CLIP1: variants seen among roughly 807,000 people sequenced by gnomAD.
CLIP1 encodes the protein CAP-Gly domain-containing linker protein 1.
A neutral mutation model predicts 161.6 loss-of-function variants in CLIP1; 66 were observed. The observed-to-expected ratio is 0.41, with a 90% CI of 0.33 to 0.50. The LOEUF (loss-of-function observed/expected upper bound fraction) is 0.50. Among genes scored for constraint, CLIP1 ranks in the 20% least tolerant of loss-of-function variants. The pLI is 0.27. For synonymous variants in CLIP1, 598 were observed against 626.2 expected, an observed-to-expected ratio of 0.96 and a Z score of 0.67; for missense variants, 1,376 against 1,702.0, an observed-to-expected ratio of 0.81 and a Z score of 3.37.
intron 2 of CLIP1, among the ~76,000 whole-genome samples, chr12:122,379,944 T>TAAAAAAAAAAAAAAAAAAAAA (rs10661606): frequency 4.0e-5 from 4 of 99,732 alleles, no homozygotes; most frequent in African/African-American, 1.5e-4. Flanking sequence ...ACTCCATCTT[T>TAAAAAAAAAAAAAAAAAAAAA]AAAAAAAAAA....
chr12:122,370,963 AAAAAAAG>A (rs1399710875), intron 3 of CLIP1, among the ~76,000 whole-genome samples: 3 of 113,016 alleles, frequency 2.7e-5, no homozygotes, highest in East Asian at 1.3e-3. Context: ...GTCTCAAAAA[AAAAAAAG>A]AAAAAAAAAA....
Position 122,350,052 on chromosome 12 carries a change from G to A in CLIP1, c.1401+1059C>T, listed in dbSNP as rs144147950. ...CCCTAGTAGCTGGGATTACAGGTGC[G>A]TGCCACCATATTCGGCTAATTTTTG... On this transcript the variant is annotated intron_variant, in intron 9 of 25. Coordinates refer to ENST00000620786, the MANE Select transcript of CLIP1 (RefSeq NM_001247997.2). 9.9e-5 allele frequency among the ~76,000 whole-genome samples: 15 copies of A among 151,790 alleles called. No individual in the cohort carries two copies. The East Asian group carries it at 1.8e-3, about 18-fold the overall frequency.
intron 18 of CLIP1, among the ~76,000 whole-genome samples, chr12:122,317,220 T>C (rs1252893167): frequency 6.6e-6 from 1 of 152,264 alleles, no homozygotes; most frequent in Non-Finnish European, 1.5e-5. Context: ...TCAGCAAGGA[T>C]TATTCTTTGT....
intron 20 of CLIP1, among the ~76,000 whole-genome samples, chr12:122,307,007 T>C (rs1950899667): frequency 1.1e-5 from 1 of 89,650 alleles, no homozygotes; most frequent in African/African-American, 3.6e-5. Context: ...ACTTTTTTTT[T>C]TTTTTTTTTT....
Position 122,355,582 on chromosome 12 carries a change from G to A in CLIP1, c.1006-270C>T, listed in dbSNP as rs1317787015. 2.7e-6 allele frequency: 1 copy of A among 375,490 alleles called. No homozygotes were observed. The highest frequency in any genetic ancestry group is 3.0e-5 in the South Asian group (1 of 32,994). The allele number at this position is 375,490 out of a possible 1,614,324, so 23.3% of individuals were successfully genotyped here. A position where few individuals can be genotyped will look rare whatever the true frequency, so the allele number is the denominator to read the frequency against. On this transcript the variant is annotated intron_variant, in intron 5 of 25. Coordinates refer to ENST00000620786, the MANE Select transcript of CLIP1 (RefSeq NM_001247997.2). This position sits in a 1 kb window ranked among gnomAD's most constrained non-coding sequence, Gnocchi z 4.1. ...CTAGCACTTCAGGAGGCCAAGGCGG[G>A]TGGATCACTTGAGGCCAGGAGTTTG... is the stretch of plus-strand genomic sequence containing the variant.
At chr12:122,293,948 G>A (rs61954391) in intron 20 of CLIP1, among the ~76,000 whole-genome samples, 1 of 151,682 alleles carries the variant, frequency 6.6e-6, no homozygotes, top group African/African-American at 2.4e-5. Context: ...TCTTAAAAAG[G>A]TAAACATACA....
At chr12:122,391,518 G>A (rs1399118220) in intron 1 of CLIP1, among the ~76,000 whole-genome samples, 1 of 152,158 alleles carries the variant, frequency 6.6e-6, no homozygotes, top group Non-Finnish European at 1.5e-5. Context: ...CCCAGGAGGC[G>A]GAGGGTGCAG....
Position 122,361,033 on chromosome 12 carries a change from G to C in CLIP1, c.931C>G (p.Pro311Ala), listed in dbSNP as rs1402857702. The change falls in exon 5 of 26, where the codon CCT becomes GCT. Residue 311 changes from proline (P) to alanine (A), a missense_variant. Coordinates refer to ENST00000620786, the MANE Select transcript of CLIP1 (RefSeq NM_001247997.2). ...ATGGAGCTGAGGGAAGAGGCAGAAG[G>C]GCTGCGCTTCAGGCTGGCGGACGTG... ...ATTSASLKRS[P>A]SASSLSSMSS... 1.2e-6 allele frequency: 2 copies of C among 1,614,114 alleles called. No individual in the cohort carries two copies. The highest frequency in any genetic ancestry group is 1.7e-6 in the Non-Finnish European group (2 of 1,180,062).
At chr12:122,275,979 G>A (rs1201113468) in intron 24 of CLIP1, among the ~76,000 whole-genome samples, 2 of 152,058 alleles carry the variant, frequency 1.3e-5, no homozygotes, top group South Asian at 2.1e-4. Flanking sequence ...AGGAGGGACC[G>A]CTCTTATCCT....
chr12:122,416,209 C>G (rs927755251), intron 1 of CLIP1, among the ~76,000 whole-genome samples: 2 of 152,074 alleles, frequency 1.3e-5, no homozygotes, highest in South Asian at 2.1e-4. Flanking sequence ...TGCTCTCCAG[C>G]CTGGGTGATA....
At chr12:122,390,206 ATACACAC>A (rs1955556189) in intron 1 of CLIP1, among the ~76,000 whole-genome samples, 1 of 137,824 alleles carries the variant, frequency 7.3e-6, no homozygotes, top group Non-Finnish European at 1.6e-5. Context: ...TAATATATAT[ATACACAC>A]ATATATATAC....
chr12:122,279,197 G>T lies in CLIP1; in HGVS notation c.3648-52C>A. 8.7e-7 allele frequency: 1 copy of T among 1,150,944 alleles called. No individual in the cohort carries two copies. Among genetic ancestry groups the T allele is most frequent in the Non-Finnish European group, 1.3e-6 (1 of 792,874 alleles). The allele number at this position is 1,150,944 out of a possible 1,614,324, so 71.3% of individuals were successfully genotyped here. On this transcript the variant is annotated intron_variant, in intron 21 of 25. Transcript: ENST00000620786. The surrounding 1 kb of genome is among the most constrained non-coding windows in gnomAD (Gnocchi z 4.5). The stretch of plus-strand genomic sequence containing the variant: ...CACAAATCAACCGAAAGACTGGTCA[G>T]TGTACAACTGTTCTAGAACAAACAC...
chr12:122,386,072 G>C (rs11057858), intron 1 of CLIP1, among the ~76,000 whole-genome samples: 1 of 152,260 alleles, frequency 6.6e-6, no homozygotes, highest in East Asian at 1.9e-4. Flanking sequence ...GTTCACCTGA[G>C]GTCAGGAGTT....
chr12:122,341,160 CTTG>C lies in CLIP1; in HGVS notation c.2041_2043del (p.Gln681del). 6.2e-7 allele frequency: 1 copy of C among 1,614,162 alleles called. No individual in the cohort carries two copies. Reference sequence around the variant, plus strand: ...TTAGCATGGGCAGCCCGTTCAGAGTCTTGTTGATTCTGCAAATTTTCTATTTCG... The same window carrying C: ...TTAGCATGGGCAGCCCGTTCAGAGTCTTGATTCTGCAAATTTTCTATTTCG... On this transcript the variant is annotated inframe_deletion, in exon 11 of 26. Transcript: ENST00000620786.
chr12:122,371,210 A>G (rs1433032732), intron 3 of CLIP1, among the ~76,000 whole-genome samples: 2 of 152,166 alleles, frequency 1.3e-5, no homozygotes, highest in Non-Finnish European at 2.9e-5. Flanking sequence ...TGATCCAGTA[A>G]TAAGACAACA....
chr12:122,289,716 T>C (rs1956017658), intron 20 of CLIP1, among the ~76,000 whole-genome samples: 1 of 152,084 alleles, frequency 6.6e-6, no homozygotes. Flanking sequence ...ATTCAGGTAG[T>C]TAATCTTGTG....
At chr12:122,379,859 G>A (rs753409471) in intron 2 of CLIP1, among the ~76,000 whole-genome samples, 12 of 150,256 alleles carry the variant, frequency 8.0e-5, no homozygotes, top group South Asian at 2.1e-4. Flanking sequence ...CAGGAGAATC[G>A]CTTGAACCCC....
intron 1 of CLIP1, among the ~76,000 whole-genome samples, chr12:122,387,581 TATATATA>T (rs1214645331): frequency 1.6e-3 from 7 of 4,502 alleles, no homozygotes; most frequent in South Asian, 9.1e-3. Context: ...TATATATATA[TATATATA>T]TATTTTTTTT....
chr12:122,395,403 T>C (rs1955874368), intron 1 of CLIP1: 1 of 152,186 alleles, frequency 6.6e-6, no homozygotes, highest in Non-Finnish European at 1.5e-5. Context: ...ATGGTGTCTG[T>C]AGAATCGGGG....
Sources: allele counts gnomAD v4.1 joint callset (sites outside exome capture counted in the v4.1 genomes callset), GRCh38; gene constraint gnomAD v4.1.1; non-coding constraint Gnocchi (gnomAD v3.1); transcripts MANE v1.5; gene names NCBI Gene and HGNC (gene_info 2026-07-23, HGNC 2026-07-21).